The following CTNND2 variants were observed in gnomAD, a reference collection of about 807,000 sequenced individuals.
The protein encoded by CTNND2 is catenin delta 2, also known as catenin delta-2.
CTNND2 carries 22 observed loss-of-function variants against 144.4 expected under a neutral mutation model. That is an observed-to-expected ratio of 0.15 (90% CI 0.11 to 0.22). The LOEUF is 0.22. Among genes scored for constraint, CTNND2 ranks in the 10% least tolerant of loss-of-function variants. The pLI is 1.00. For synonymous variants in CTNND2, 751 were observed against 695.6 expected (o/e 1.08, Z -1.25); for missense variants, 1,353 against 1,618.8 (o/e 0.84, Z 2.82).
chr5:11,397,746 G>A (rs1442994262), intron 5 of CTNND2, among the ~76,000 whole-genome samples: 1 of 152,098 alleles, frequency 6.6e-6, no homozygotes, highest in African/African-American at 2.4e-5. Context: ...ATTCACCGTC[G>A]CCTCACATAA....
At chr5:11,555,718 A>C (rs969058911) in intron 3 of CTNND2, among the ~76,000 whole-genome samples, 5 of 151,922 alleles carry the variant, frequency 3.3e-5, no homozygotes, top group African/African-American at 9.7e-5. Context: ...ATAAAAAAAA[A>C]CAGAAATAAT....
chr5:11,740,235 A>T (rs963739575), intron 1 of CTNND2, among the ~76,000 whole-genome samples: 2 of 152,232 alleles, frequency 1.3e-5, no homozygotes, highest in African/African-American at 4.8e-5. Flanking sequence ...CAGTCAAGAC[A>T]ATCCTCAGCA....
At chr5:11,076,677 C>T (rs993182063) in intron 16 of CTNND2, among the ~76,000 whole-genome samples, 2 of 152,166 alleles carry the variant, frequency 1.3e-5, no homozygotes, top group Admixed American at 1.3e-4. Context: ...AAATGGAAAG[C>T]CAAGGGAGAG....
chr5:11,306,500 A>G (rs1750221458), intron 9 of CTNND2, among the ~76,000 whole-genome samples: 1 of 152,154 alleles, frequency 6.6e-6, no homozygotes, highest in African/African-American at 2.4e-5. Context: ...TTCTATAGCC[A>G]TTTTCAGTTG....
chr5:11,071,440 C>T (rs759298393), intron 16 of CTNND2, among the ~76,000 whole-genome samples: 20 of 151,722 alleles, frequency 1.3e-4, no homozygotes, highest in Non-Finnish European at 2.6e-4. Context: ...CCCAGGTGCC[C>T]GAGGCATGAG....
At chr5:11,390,599 T>C (rs1274226371) in intron 6 of CTNND2, among the ~76,000 whole-genome samples, 1 of 152,140 alleles carries the variant, frequency 6.6e-6, no homozygotes, top group Non-Finnish European at 1.5e-5. Flanking sequence ...TTATGAGCGG[T>C]CCTGTGAAGA....
chr5:11,680,359 A>G (rs887639941), intron 2 of CTNND2, among the ~76,000 whole-genome samples: 1 of 152,092 alleles, frequency 6.6e-6, no homozygotes, highest in African/African-American at 2.4e-5. Context: ...CATTGAATGG[A>G]GACATTTTGG....
intron 3 of CTNND2, among the ~76,000 whole-genome samples, chr5:11,431,087 GC>G (rs1311405457): frequency 3.3e-5 from 5 of 152,178 alleles, no homozygotes; most frequent in Non-Finnish European, 7.3e-5. Context: ...ATATCGGGCA[GC>G]TATTCTTTAC....
chr5:11,722,352 A>G (rs1473482920), intron 2 of CTNND2, among the ~76,000 whole-genome samples: 1 of 152,182 alleles, frequency 6.6e-6, no homozygotes, highest in Non-Finnish European at 1.5e-5. Context: ...ACTGAAATTA[A>G]TGGTTACACA....
In CTNND2 at chr5:11,322,022, C is replaced by T. The variant is rs185681963; in HGVS notation, c.1628+24350G>A. ...TGGAAACTGGGCCTGCCACACAACG[C>T]CTCTGGTGGTGTCCTGTTCTATCCC... On this transcript the variant is annotated intron_variant, in intron 9 of 21. Coordinates refer to ENST00000304623, the MANE Select transcript of CTNND2 (RefSeq NM_001332.4). 5.0e-3 allele frequency among the ~76,000 whole-genome samples: 766 copies of T among 152,300 alleles called. 9 individuals carry two copies. Among genetic ancestry groups the T allele is most frequent in the African/African-American group, 0.017 (719 of 41,568 alleles).
chr5:11,273,684 C>T (rs78576840), intron 9 of CTNND2, among the ~76,000 whole-genome samples: 1 of 152,236 alleles, frequency 6.6e-6, no homozygotes, highest in East Asian at 1.9e-4. Flanking sequence ...GCAACAGCAA[C>T]TGCATTTTGC....
At chr5:11,052,093 G>A (rs1371344151) in intron 16 of CTNND2, among the ~76,000 whole-genome samples, 1 of 152,190 alleles carries the variant, frequency 6.6e-6, no homozygotes, top group Non-Finnish European at 1.5e-5. Context: ...TCAAGCTGGG[G>A]TGGAGGAATT....
intron 2 of CTNND2, among the ~76,000 whole-genome samples, chr5:11,708,207 TG>T (rs1320721148): frequency 6.6e-6 from 1 of 151,714 alleles, no homozygotes; most frequent in Non-Finnish European, 1.5e-5. Flanking sequence ...CCACCACACC[TG>T]GCTATAAAGA....
chr5:11,349,520 T>C (rs911654446), intron 8 of CTNND2, among the ~76,000 whole-genome samples: 1 of 152,198 alleles, frequency 6.6e-6, no homozygotes. Context: ...TTCATGCTCA[T>C]AGACACCATG....
At chr5:11,895,165 G>A (rs542927091) in intron 1 of CTNND2, among the ~76,000 whole-genome samples, 1 of 152,242 alleles carries the variant, frequency 6.6e-6, no homozygotes, top group South Asian at 2.1e-4. Flanking sequence ...CACACACAAA[G>A]CACTGCACCT....
chr5:11,685,899 A>G (rs904759691), intron 2 of CTNND2, among the ~76,000 whole-genome samples: 1 of 152,140 alleles, frequency 6.6e-6, no homozygotes, highest in Non-Finnish European at 1.5e-5. Flanking sequence ...TCTATCACAT[A>G]AATAAGCGTA....
At chr5:11,532,604 G>A (rs1389932691) in intron 3 of CTNND2, among the ~76,000 whole-genome samples, 1 of 152,102 alleles carries the variant, frequency 6.6e-6, no homozygotes, top group Non-Finnish European at 1.5e-5. Context: ...AATAAATCGG[G>A]CAACTCACCA....
chr5:11,420,277 G>A (rs568115481), intron 3 of CTNND2, among the ~76,000 whole-genome samples: 2 of 152,118 alleles, frequency 1.3e-5, no homozygotes, highest in South Asian at 4.2e-4. Context: ...GAACCGAGAT[G>A]GCACCACTGC....
Position 11,066,115 on chromosome 5 carries a change from C to T in CTNND2, c.2788+16581G>A, listed in dbSNP as rs192218829. Among the ~76,000 whole-genome samples the T allele has an allele frequency of 5.5e-4, 83 of 151,654 alleles. 1 individual carries two copies. Among genetic ancestry groups the T allele is most frequent in the African/African-American group, 1.9e-3 (79 of 41,254 alleles). Reference sequence around the variant, plus strand: ...AGTGCAGTGGTGTGATCTCAGCTCACTGCAACCTCCGTCTCCTGGGTTTAA... The same window carrying T: ...AGTGCAGTGGTGTGATCTCAGCTCATTGCAACCTCCGTCTCCTGGGTTTAA... On this transcript the variant is annotated intron_variant, in intron 16 of 21. Transcript: ENST00000304623.
Sources: gnomAD v4.1 joint callset for allele counts (sites outside exome capture counted in the v4.1 genomes callset) on GRCh38, gnomAD v4.1.1 for gene constraint, MANE v1.5 for transcripts, NCBI Gene and HGNC (gene_info 2026-07-23, HGNC 2026-07-21) for gene names.